Variants in PKDCC observed in about 807,000 individuals in gnomAD.
PKDCC encodes extracellular tyrosine-protein kinase PKDCC.
In PKDCC, 35 loss-of-function variants were observed where a neutral mutation model predicts 44.7. That is an observed-to-expected ratio of 0.78 (90% CI 0.60 to 1.04). The LOEUF is 1.04. Among genes scored for constraint, PKDCC ranks in the 50% least tolerant of loss-of-function variants. PKDCC has a pLI of 0.00. For missense variants in PKDCC, 738 were observed against 672.7 expected (o/e 1.10, Z -1.07); for synonymous variants, 353 against 303.3 (o/e 1.16, Z -1.70).
Position 42,048,669 on chromosome 2 carries a change from T to C in PKDCC, c.470T>C (p.Leu157Pro). The change falls in exon 1 of 7, where the codon CTG (leucine) becomes CCG (proline). Residue 157 changes from leucine (L) to proline (P), a missense_variant. By Grantham distance (98) the Leu-to-Pro change is moderately conservative. Coordinates refer to ENST00000294964, the MANE Select transcript of PKDCC (RefSeq NM_138370.3). The surrounding 1 kb of genome is among the most constrained non-coding windows in gnomAD (Gnocchi z 6.2). ...GYTKAVYRVR[L>P]PGGAAVALKA... ...ACCAAGGCCGTGTACCGGGTCCGCC[T>C]GCCCGGCGGTGCCGCGGTGGCGCTC... is the stretch of plus-strand genomic sequence containing the variant. The C allele has an allele frequency of 6.5e-7, 1 of 1,546,790 alleles. No homozygotes were observed. Among genetic ancestry groups the C allele is most frequent in the Non-Finnish European group, 8.7e-7 (1 of 1,146,380 alleles).
rs545149257 is a variant in PKDCC at position 42,055,926 on chromosome 2, A to T, written c.1222+533A>T. Among the ~76,000 whole-genome samples, 1 of 152,266 alleles carries T rather than the reference A, an allele frequency of 6.6e-6. No individual in the cohort carries two copies. Among genetic ancestry groups the T allele is most frequent in the Admixed American group, 6.5e-5 (1 of 15,294 alleles). On this transcript the variant is annotated intron_variant, in intron 5 of 6. Coordinates refer to ENST00000294964, the MANE Select transcript of PKDCC (RefSeq NM_138370.3). The surrounding 1 kb of genome is among the most constrained non-coding windows in gnomAD (Gnocchi z 4.5). The stretch of plus-strand genomic sequence containing the variant: ...GAAACCAGCCAAGAAGCCCCAGGGC[A>T]GGGGGAGAATTCTGGCCACTGGTTT...
chr2:42,048,395 G>T lies in PKDCC; in HGVS notation c.196G>T (p.Glu66Ter). The part of the protein sequence containing the change: ...LARQIRARYE[E>*]VQRYSRGGPG... Reference sequence around the variant, plus strand: ...CCGGCAGATCCGGGCGCGCTACGAGGAGGTGCAGCGCTATTCCCGCGGGGG... The same window carrying T: ...CCGGCAGATCCGGGCGCGCTACGAGTAGGTGCAGCGCTATTCCCGCGGGGG... The change falls in exon 1 of 7, where the codon GAG becomes TAG. Residue 66 changes from glutamate (E) to a stop codon, truncating the protein, a stop_gained. Transcript: ENST00000294964. LOFTEE classifies it high-confidence loss of function. This position sits in a 1 kb window ranked among gnomAD's most constrained non-coding sequence, Gnocchi z 6.2. The T allele has an allele frequency of 8.6e-7, 1 of 1,156,418 alleles. No homozygotes were observed. Among genetic ancestry groups the T allele is most frequent in the East Asian group, 4.1e-5 (1 of 24,384 alleles). 71.6% of individuals were successfully genotyped at this position (1,156,418 alleles called of 1,614,324 possible).
rs983563737 is a variant in PKDCC, at chr2:42,052,416, G to A, written c.640-823G>A. Among the ~76,000 whole-genome samples the A allele has an allele frequency of 3.9e-5, 6 of 152,130 alleles. No homozygotes were observed. The highest frequency in any genetic ancestry group is 9.7e-5 in the African/African-American group (4 of 41,424). ...AGGGGAGGAAGGATAATGTCCAACC[G>A]TATGCTCGCTTGTGTATTACCAAAC... On this transcript the variant is annotated intron_variant, in intron 1 of 6. Transcript: ENST00000294964. The surrounding 1 kb of genome is among the most constrained non-coding windows in gnomAD (Gnocchi z 4.3).
intron 6 of PKDCC, 90 bp from the exon 7 acceptor site, chr2:42,057,513 G>C: frequency 6.5e-7 from 1 of 1,550,166 alleles, no homozygotes; most frequent in Non-Finnish European, 8.8e-7. Context: ...AGAGGTATAC[G>C]TGTCTTCAAG....
rs995993484 is a variant in PKDCC at position 42,057,944 on chromosome 2, G to A, written c.*256G>A. The A allele has an allele frequency of 3.9e-6, 2 of 512,856 alleles. No homozygotes were observed. Among genetic ancestry groups the A allele is most frequent in the South Asian group, 2.5e-5 (1 of 40,208 alleles). 31.8% of individuals were successfully genotyped at this position (512,856 alleles called of 1,614,324 possible). On this transcript the variant is annotated 3_prime_UTR_variant, in exon 7 of 7. Transcript: ENST00000294964. ...GGGGTATGACTGCCTCTCCAACCCT[G>A]TGGGCTGTAAGCAAGCTCAGGCTAG...
chr2:42,054,544 A>C lies in PKDCC; in HGVS notation c.1034+237A>C. The C allele has an allele frequency of 1.7e-6, 1 of 580,156 alleles. No homozygotes were observed. 35.9% of individuals were successfully genotyped at this position (580,156 alleles called of 1,614,324 possible). ...GTGGCAGCTGGAGGCTTCTTAAAAT[A>C]GTGTTGGACTCGGAGCCTAGGGCTG... On this transcript the variant is annotated intron_variant, in intron 3 of 6. Coordinates refer to ENST00000294964, the MANE Select transcript of PKDCC (RefSeq NM_138370.3). The surrounding 1 kb of genome is among the most constrained non-coding windows in gnomAD (Gnocchi z 6.1).
rs79399309 is a variant in PKDCC at position 42,054,787 on chromosome 2, C to T, written c.1035-154C>T. On this transcript the variant is annotated intron_variant, in intron 3 of 6. Transcript: ENST00000294964. This position sits in a 1 kb window ranked among gnomAD's most constrained non-coding sequence, Gnocchi z 6.1. ...TTAGCATGTGCCCAGAACCCTCCCC[C>T]GAGGCTGAGTAGACTTCACTGCGTT... 5.1e-3 allele frequency: 3,853 copies of T among 748,828 alleles called. 85 individuals are homozygous for T. The East Asian group carries it at 0.056, about 11-fold the overall frequency. The allele number at this position is 748,828 out of a possible 1,614,324, so 46.4% of individuals were successfully genotyped here.
chr2:42,055,030 C>T lies in PKDCC; in HGVS notation c.1114+10C>T, dbSNP rs779317462. The T allele has an allele frequency of 2.5e-6, 4 of 1,612,254 alleles. No homozygotes were observed. The South Asian group carries it at 4.4e-5, about 18-fold the overall frequency. ...ATCGTCAACGCCACAGGTGAGCTCTCCAGGGCCCATCTGCTTCCAGGCACC... is the reference window on the plus strand; with the variant it reads ...ATCGTCAACGCCACAGGTGAGCTCTTCAGGGCCCATCTGCTTCCAGGCACC... On this transcript the variant is annotated intron_variant, in intron 4 of 6. Transcript: ENST00000294964. The surrounding 1 kb of genome is among the most constrained non-coding windows in gnomAD (Gnocchi z 4.5).
In PKDCC at chr2:42,048,305, G is replaced by T; in HGVS notation, c.106G>T (p.Gly36Cys). 8.1e-7 allele frequency: 1 copy of T among 1,240,562 alleles called. No individual in the cohort carries two copies. Among genetic ancestry groups the T allele is most frequent in the Non-Finnish European group, 1.0e-6 (1 of 989,562 alleles). 76.8% of individuals were successfully genotyped at this position (1,240,562 alleles called of 1,614,324 possible). A position where few individuals can be genotyped will look rare whatever the true frequency, so the allele number is the denominator to read the frequency against. Residue 36 changes from glycine to cysteine, a missense_variant, in exon 1 of 7, where the codon GGC (glycine) becomes TGC (cysteine). Physicochemically the swap from Gly to Cys is radical, Grantham distance 159. Transcript: ENST00000294964. This position sits in a 1 kb window ranked among gnomAD's most constrained non-coding sequence, Gnocchi z 6.2. The part of the protein sequence containing the change: ...FAPGSEPPRP[G>C]QSPEPSPAPG... ...TCCGGGCTCGGAGCCTCCGAGGCCAGGCCAGTCCCCTGAGCCTTCGCCGGC... is the reference window on the plus strand; with the variant it reads ...TCCGGGCTCGGAGCCTCCGAGGCCATGCCAGTCCCCTGAGCCTTCGCCGGC...
Position 42,048,484 on chromosome 2 carries a change from C to A in PKDCC, c.285C>A (p.Pro95=). ...TGATGGACCTGGCTCCGGGCGGGCCCGGCCTGCCGCGCCCCCGGCCCCCTT... is the reference window on the plus strand; with the variant it reads ...TGATGGACCTGGCTCCGGGCGGGCCAGGCCTGCCGCGCCCCCGGCCCCCTT... The part of the protein sequence containing the change: ...RRLMDLAPGG[P]GLPRPRPPWA... Residue 95 remains proline (P), a synonymous_variant, in exon 1 of 7, where the codon CCC becomes CCA. Coordinates refer to ENST00000294964, the MANE Select transcript of PKDCC (RefSeq NM_138370.3). This position sits in a 1 kb window ranked among gnomAD's most constrained non-coding sequence, Gnocchi z 6.2. The A allele has an allele frequency of 9.6e-7, 1 of 1,038,878 alleles. No homozygotes were observed. Among genetic ancestry groups the A allele is most frequent in the Non-Finnish European group, 1.2e-6 (1 of 866,984 alleles). The allele number at this position is 1,038,878 out of a possible 1,614,324, so 64.4% of individuals were successfully genotyped here. A position where few individuals can be genotyped will look rare whatever the true frequency, so the allele number is the denominator to read the frequency against.
chr2:42,054,204 G>T lies in PKDCC; in HGVS notation c.931G>T (p.Asp311Tyr), dbSNP rs374454176. The T allele has an allele frequency of 2.7e-5, 43 of 1,606,008 alleles. No individual in the cohort carries two copies. The East Asian group carries it at 9.4e-4, about 35-fold the overall frequency. The change falls in exon 3 of 7, where the codon GAC (aspartate) becomes TAC (tyrosine). Residue 311 changes from aspartate to tyrosine, a missense_variant. By Grantham distance (160) the Asp-to-Tyr change is radical. Transcript: ENST00000294964. The surrounding 1 kb of genome is among the most constrained non-coding windows in gnomAD (Gnocchi z 6.1). ...GGAGACGCCGTGTGCAGGCAGCACC[G>T]ACTGCATACTCGAGTTTCCGGCCAG... ...VEETPCAGST[D>Y]CILEFPARNF... is the part of the protein sequence containing the mutation.
chr2:42,050,417 A>T lies in PKDCC; in HGVS notation c.639+1579A>T, dbSNP rs553799860. ...TAAAGTCTTAGTTACTTGACTCAAG[A>T]CCCCTCTCCCTTCAGACGGGTTTGA... On this transcript the variant is annotated intron_variant, in intron 1 of 6. Coordinates refer to ENST00000294964, the MANE Select transcript of PKDCC (RefSeq NM_138370.3). Among the ~76,000 whole-genome samples, 4 of 150,508 alleles carry T rather than the reference A, an allele frequency of 2.7e-5. No individual in the cohort carries two copies. In the East Asian group the frequency reaches 7.8e-4, roughly 29 times the overall value.
Position 42,048,173 on chromosome 2 carries a change from G to A in PKDCC, c.-27G>A. On this transcript the variant is annotated 5_prime_UTR_variant, in exon 1 of 7. Coordinates refer to ENST00000294964, the MANE Select transcript of PKDCC (RefSeq NM_138370.3). This position sits in a 1 kb window ranked among gnomAD's most constrained non-coding sequence, Gnocchi z 6.2. ...GGGCCGGGGCCGGGGAGCCGCGCGG[G>A]GCCGGCCGGCCGGGGGGAGGGGAGC... 1 of 1,067,974 alleles carries A rather than the reference G, an allele frequency of 9.4e-7. No individual in the cohort carries two copies. The highest frequency in any genetic ancestry group is 1.1e-6 in the Non-Finnish European group (1 of 887,554). The allele number at this position is 1,067,974 out of a possible 1,614,324, so 66.2% of individuals were successfully genotyped here. A position where few individuals can be genotyped will look rare whatever the true frequency, so the allele number is the denominator to read the frequency against.
chr2:42,055,665 G>A lies in PKDCC; in HGVS notation c.1222+272G>A. On this transcript the variant is annotated intron_variant, in intron 5 of 6. Coordinates refer to ENST00000294964, the MANE Select transcript of PKDCC (RefSeq NM_138370.3). This position sits in a 1 kb window ranked among gnomAD's most constrained non-coding sequence, Gnocchi z 4.5. The stretch of plus-strand genomic sequence containing the variant: ...ATGGCTCCAAACCCTATCATGTACT[G>A]GCTATATGACTTTGAGCAAGTTACC... 3 of 400,364 alleles carry A rather than the reference G, an allele frequency of 7.5e-6. No individual in the cohort carries two copies. Among genetic ancestry groups the A allele is most frequent in the Non-Finnish European group, 1.4e-5 (3 of 220,386 alleles). The allele number at this position is 400,364 out of a possible 1,614,324, so 24.8% of individuals were successfully genotyped here. A position where few individuals can be genotyped will look rare whatever the true frequency, so the allele number is the denominator to read the frequency against.
At position 42,048,145 on chromosome 2, in the gene PKDCC, C is replaced by CCGGGGCCGGGGCCGGGGAGCCGCG. The variant is rs1158726723; in HGVS notation, c.-45_-22dup. 1.5e-5 allele frequency: 14 copies of CCGGGGCCGGGGCCGGGGAGCCGCG among 950,992 alleles called. No individual in the cohort carries two copies. The highest frequency in any genetic ancestry group is 1.7e-5 in the Non-Finnish European group (14 of 816,898). The allele number at this position is 950,992 out of a possible 1,614,324, so 58.9% of individuals were successfully genotyped here. On this transcript the variant is annotated 5_prime_UTR_variant, in exon 1 of 7. Transcript: ENST00000294964. This position sits in a 1 kb window ranked among gnomAD's most constrained non-coding sequence, Gnocchi z 6.2. ...GGAGCCGCCTCGGAGCCTGAGCCGC[C>CCGGGGCCGGGGCCGGGGAGCCGCG]CGGGGCCGGGGCCGGGGAGCCGCGC...
chr2:42,054,833 A>C lies in PKDCC; in HGVS notation c.1035-108A>C. On this transcript the variant is annotated intron_variant, in intron 3 of 6. Transcript: ENST00000294964. The surrounding 1 kb of genome is among the most constrained non-coding windows in gnomAD (Gnocchi z 6.1). ...GCGTTCTGCCTGGTTGCTAGGCCTG[A>C]GGGATCCGGCTCCCTGGCCAGGTTA... 1 of 1,054,530 alleles carries C rather than the reference A, an allele frequency of 9.5e-7. No individual in the cohort carries two copies. The highest frequency in any genetic ancestry group is 1.5e-6 in the Non-Finnish European group (1 of 677,092). 65.3% of individuals were successfully genotyped at this position (1,054,530 alleles called of 1,614,324 possible). A position where few individuals can be genotyped will look rare whatever the true frequency, so the allele number is the denominator to read the frequency against.
chr2:42,051,931 C>T lies in PKDCC; in HGVS notation c.640-1308C>T, dbSNP rs13001171. Among the ~76,000 whole-genome samples, 40,974 of 151,886 alleles carry T rather than the reference C, an allele frequency of 0.27. 5,799 individuals are homozygous for T. The highest frequency in any genetic ancestry group is 0.35 in the Middle Eastern group (104 of 294). On this transcript the variant is annotated intron_variant, in intron 1 of 6. Transcript: ENST00000294964. The surrounding 1 kb of genome is among the most constrained non-coding windows in gnomAD (Gnocchi z 4.2). ...CCCTCCACCGCATAGCTCTCCTCTC[C>T]CTGAGTCGGGCCTGGACAACTCAGC...
In PKDCC at chr2:42,052,499, A is replaced by G. The variant is rs1322703227; in HGVS notation, c.640-740A>G. On this transcript the variant is annotated intron_variant, in intron 1 of 6. Transcript: ENST00000294964. This position sits in a 1 kb window ranked among gnomAD's most constrained non-coding sequence, Gnocchi z 4.3. ...CGCAGTGGCTCACGCCTGTAATCCC[A>G]ACATTTTGGGAGGCCAAGGTAGGCA... is the stretch of plus-strand genomic sequence containing the variant. Among the ~76,000 whole-genome samples the G allele has an allele frequency of 6.6e-6, 1 of 152,212 alleles. No individual in the cohort carries two copies. Among genetic ancestry groups the G allele is most frequent in the African/African-American group, 2.4e-5 (1 of 41,460 alleles).
At position 42,048,566 on chromosome 2, in the gene PKDCC, T is replaced by C; in HGVS notation, c.367T>C (p.Ser123Pro). Reference protein sequence around the residue: ...PGWPPAPGPGSPGPGPRLGCA... With the variant: ...PGWPPAPGPGPPGPGPRLGCA... ...CTGGCCCCCGGCTCCCGGCCCAGGCTCCCCCGGCCCGGGCCCGCGCCTGGG... is the reference window on the plus strand; with the variant it reads ...CTGGCCCCCGGCTCCCGGCCCAGGCCCCCCCGGCCCGGGCCCGCGCCTGGG... The change falls in exon 1 of 7, where the codon TCC becomes CCC. Residue 123 changes from serine (S) to proline (P), a missense_variant. Transcript: ENST00000294964. This position sits in a 1 kb window ranked among gnomAD's most constrained non-coding sequence, Gnocchi z 6.2. The C allele has an allele frequency of 7.6e-7, 1 of 1,314,880 alleles. No individual in the cohort carries two copies. The highest frequency in any genetic ancestry group is 9.6e-7 in the Non-Finnish European group (1 of 1,038,212). 81.5% of individuals were successfully genotyped at this position (1,314,880 alleles called of 1,614,324 possible).
Sources: allele counts gnomAD v4.1 joint callset (sites outside exome capture counted in the v4.1 genomes callset), GRCh38; gene constraint gnomAD v4.1.1; non-coding constraint Gnocchi (gnomAD v3.1); transcripts MANE v1.5; gene names NCBI Gene and HGNC (gene_info 2026-07-23, HGNC 2026-07-21).